Variants in PLEKHG3 observed in about 807,000 individuals in gnomAD.
PLEKHG3 encodes the protein pleckstrin homology and RhoGEF domain containing G3.
PLEKHG3 carries 62 observed loss-of-function variants against 94.9 expected under a neutral mutation model. The observed-to-expected ratio is 0.65, with a 90% CI of 0.53 to 0.81. The LOEUF (loss-of-function observed/expected upper bound fraction) is 0.81, where lower values mean the gene tolerates loss of function less well. Ranked by LOEUF, PLEKHG3 falls within the 30% of genes least tolerant of loss-of-function variation. The pLI, the probability that PLEKHG3 is intolerant of heterozygous loss-of-function variation, is 0.00. For synonymous variants in PLEKHG3, 614 were observed against 654.0 expected (o/e 0.94, Z 0.93); for missense variants, 1,461 against 1,619.3 (o/e 0.90, Z 1.68).
chr14:64,736,031 G>C (rs1370900203), intron 12 of PLEKHG3, among the ~76,000 whole-genome samples: 1 of 152,260 alleles, frequency 6.6e-6, no homozygotes, highest in East Asian at 1.9e-4. Context: ...GCCTGCTGAG[G>C]AACAGCAAGA....
Position 64,738,876 on chromosome 14 carries a change from A to G in PLEKHG3, c.1518+21A>G. 1 of 1,459,340 alleles carries G rather than the reference A, an allele frequency of 6.9e-7. No homozygotes were observed. Among genetic ancestry groups the G allele is most frequent in the Non-Finnish European group, 9.4e-7 (1 of 1,059,064 alleles). The allele number at this position is 1,459,340 out of a possible 1,614,324, so 90.4% of individuals were successfully genotyped here. ...CAGAGGTGAGCGACCAGCAGGTGGGATGGGGATAGTAGGAAGAACTTGGAG... is the reference window on the plus strand; with the variant it reads ...CAGAGGTGAGCGACCAGCAGGTGGGGTGGGGATAGTAGGAAGAACTTGGAG... On this transcript the variant is annotated intron_variant, in intron 15 of 16. Transcript: ENST00000247226. The surrounding 1 kb of genome is among the most constrained non-coding windows in gnomAD (Gnocchi z 4.8).
At position 64,738,649 on chromosome 14, in the gene PLEKHG3, C is replaced by A; in HGVS notation, c.1405-93C>A. 2 of 918,180 alleles carry A rather than the reference C, an allele frequency of 2.2e-6. No homozygotes were observed. Among genetic ancestry groups the A allele is most frequent in the Non-Finnish European group, 3.5e-6 (2 of 574,928 alleles). 56.9% of individuals were successfully genotyped at this position (918,180 alleles called of 1,614,324 possible). ...GACTGGCTCTCAGCTCAGCCCAGCCCCTTGGGGCGTGGGAGGCACTGCCCG... is the reference window on the plus strand; with the variant it reads ...GACTGGCTCTCAGCTCAGCCCAGCCACTTGGGGCGTGGGAGGCACTGCCCG... On this transcript the variant is annotated intron_variant, in intron 14 of 16. Coordinates refer to ENST00000247226, the MANE Select transcript of PLEKHG3 (RefSeq NM_001308147.2). This position sits in a 1 kb window ranked among gnomAD's most constrained non-coding sequence, Gnocchi z 4.8.
In PLEKHG3 at chr14:64,738,916, T is replaced by C. The variant is rs972115018; in HGVS notation, c.1518+61T>C. The C allele has an allele frequency of 1.8e-6, 2 of 1,090,358 alleles. No individual in the cohort carries two copies. The highest frequency in any genetic ancestry group is 1.6e-5 in the African/African-American group (1 of 64,358). The allele number at this position is 1,090,358 out of a possible 1,614,324, so 67.5% of individuals were successfully genotyped here. A position where few individuals can be genotyped will look rare whatever the true frequency, so the allele number is the denominator to read the frequency against. ...AGAACTTGGAGTCCAGATTTTCAAG[T>C]CTGCAAATAGGGCTTTCAGGCACAG... On this transcript the variant is annotated intron_variant, in intron 15 of 16. Coordinates refer to ENST00000247226, the MANE Select transcript of PLEKHG3 (RefSeq NM_001308147.2). This position sits in a 1 kb window ranked among gnomAD's most constrained non-coding sequence, Gnocchi z 4.8.
In PLEKHG3 at chr14:64,716,513, ACAC is replaced by A. The variant is rs2081164097; in HGVS notation, c.-39-11079_-39-11077del. Among the ~76,000 whole-genome samples the A allele has an allele frequency of 7.5e-6, 1 of 134,210 alleles. No homozygotes were observed. Among genetic ancestry groups the A allele is most frequent in the African/African-American group, 2.9e-5 (1 of 34,620 alleles). 88.0% of individuals were successfully genotyped at this position (134,210 alleles called of 152,430 possible). On this transcript the variant is annotated intron_variant, in intron 1 of 16. Transcript: ENST00000247226. The surrounding 1 kb of genome is among the most constrained non-coding windows in gnomAD (Gnocchi z 5.0). ...ACACACACAACACACACACACACAC[ACAC>A]ACACACACACACACACACACACACA...
intron 1 of PLEKHG3, among the ~76,000 whole-genome samples, chr14:64,706,705 C>T (rs2080976771): frequency 6.6e-6 from 1 of 152,264 alleles, no homozygotes; most frequent in Admixed American, 6.5e-5. Context: ...AAACATTTGC[C>T]TTACCAAATC....
At position 64,716,033 on chromosome 14, in the gene PLEKHG3, G is replaced by A. The variant is rs769404664; in HGVS notation, c.-40+11329G>A. ...AGGTTGCCGGTGCTGGGGACAATGCGGCTGCCCGGCCCCTCGCCACCCTCG... is the reference window on the plus strand; with the variant it reads ...AGGTTGCCGGTGCTGGGGACAATGCAGCTGCCCGGCCCCTCGCCACCCTCG... On this transcript the variant is annotated intron_variant, in intron 1 of 16. Transcript: ENST00000247226. The surrounding 1 kb of genome is among the most constrained non-coding windows in gnomAD (Gnocchi z 5.0). The A allele has an allele frequency of 4.4e-5, 20 of 456,156 alleles. No homozygotes were observed. The highest frequency in any genetic ancestry group is 6.2e-5 in the Non-Finnish European group (14 of 226,798). 28.3% of individuals were successfully genotyped at this position (456,156 alleles called of 1,614,324 possible).
chr14:64,749,226 G>C lies in PLEKHG3; in HGVS notation c.*5523G>C, dbSNP rs1430909427. 1.3e-6 allele frequency: 2 copies of C among 1,494,632 alleles called. No homozygotes were observed. Among genetic ancestry groups the C allele is most frequent in the Non-Finnish European group, 1.8e-6 (2 of 1,112,532 alleles). 92.6% of individuals were successfully genotyped at this position (1,494,632 alleles called of 1,614,324 possible). On this transcript the variant is annotated 3_prime_UTR_variant, in exon 17 of 17. Coordinates refer to ENST00000247226, the MANE Select transcript of PLEKHG3 (RefSeq NM_001308147.2). The surrounding 1 kb of genome is among the most constrained non-coding windows in gnomAD (Gnocchi z 4.7). The stretch of plus-strand genomic sequence containing the variant: ...CGACTCATCTCGATTCGACCGGCGG[G>C]CGGCGGCGAGAGGAGGCCAAGGCCT...
rs34751799 is a variant in PLEKHG3, at chr14:64,726,159, C to T, written c.-39-1434C>T. On this transcript the variant is annotated intron_variant, in intron 1 of 16. Coordinates refer to ENST00000247226, the MANE Select transcript of PLEKHG3 (RefSeq NM_001308147.2). The surrounding 1 kb of genome is among the most constrained non-coding windows in gnomAD (Gnocchi z 5.1). Reference sequence around the variant, plus strand: ...TATGGGGTGGATGGGGACGAGATAACGCCAAGGCAGAGAGAACATTTGCAA... The same window carrying T: ...TATGGGGTGGATGGGGACGAGATAATGCCAAGGCAGAGAGAACATTTGCAA... Among the ~76,000 whole-genome samples the T allele has an allele frequency of 0.013, 2,031 of 152,192 alleles. 22 individuals carry two copies. Among genetic ancestry groups the T allele is most frequent in the Non-Finnish European group, 0.022 (1,469 of 68,002 alleles).
At chr14:64,724,979 G>A (rs2081326048) in intron 1 of PLEKHG3, among the ~76,000 whole-genome samples, 1 of 152,222 alleles carries the variant, frequency 6.6e-6, no homozygotes, top group Non-Finnish European at 1.5e-5. Flanking sequence ...TTCAGCAGTT[G>A]GCTGTTATGC....
In PLEKHG3 at chr14:64,715,757, G is replaced by A. The variant is rs2081129570; in HGVS notation, c.-40+11053G>A. On this transcript the variant is annotated intron_variant, in intron 1 of 16. Transcript: ENST00000247226. The surrounding 1 kb of genome is among the most constrained non-coding windows in gnomAD (Gnocchi z 4.4). Reference sequence around the variant, plus strand: ...TTGTGCAGGTCCTCAGCCCTGTGGCGCTCACCTCCCAGGGCTGTGGCCTGG... The same window carrying A: ...TTGTGCAGGTCCTCAGCCCTGTGGCACTCACCTCCCAGGGCTGTGGCCTGG... 1 of 319,414 alleles carries A rather than the reference G, an allele frequency of 3.1e-6. No homozygotes were observed. Among genetic ancestry groups the A allele is most frequent in the Non-Finnish European group, 6.1e-6 (1 of 163,000 alleles). The allele number at this position is 319,414 out of a possible 1,614,324, so 19.8% of individuals were successfully genotyped here.
intron 1 of PLEKHG3, among the ~76,000 whole-genome samples, chr14:64,706,764 C>T (rs1227523858): frequency 3.3e-5 from 5 of 152,246 alleles, no homozygotes; most frequent in African/African-American, 7.2e-5. Flanking sequence ...CCAAAGGCCA[C>T]GGCCTGCGGG....
In PLEKHG3 at chr14:64,715,604, G is replaced by T. The variant is rs937523494; in HGVS notation, c.-40+10900G>T. ...AGGGTTAATTATCCTTCAGCCTCGA[G>T]GGCCTGGGGTGGGGGAGGTGCTGCA... On this transcript the variant is annotated intron_variant, in intron 1 of 16. Transcript: ENST00000247226. This position sits in a 1 kb window ranked among gnomAD's most constrained non-coding sequence, Gnocchi z 4.4. The T allele has an allele frequency of 5.6e-5, 9 of 161,190 alleles. No homozygotes were observed. The South Asian group carries it at 6.1e-4, about 11-fold the overall frequency. 10.0% of individuals were successfully genotyped at this position (161,190 alleles called of 1,614,324 possible).
At position 64,716,496 on chromosome 14, in the gene PLEKHG3, AAC is replaced by A. The variant is rs58480790; in HGVS notation, c.-39-11043_-39-11042del. On this transcript the variant is annotated intron_variant, in intron 1 of 16. Coordinates refer to ENST00000247226, the MANE Select transcript of PLEKHG3 (RefSeq NM_001308147.2). This position sits in a 1 kb window ranked among gnomAD's most constrained non-coding sequence, Gnocchi z 5.0. ...ACACACACACAACACACACACACACAACACACACACACACACACACACACACA... is the reference window on the plus strand; with the variant it reads ...ACACACACACAACACACACACACACAACACACACACACACACACACACACA... Among the ~76,000 whole-genome samples the A allele has an allele frequency of 0.11, 8,984 of 79,242 alleles. 420 individuals carry two copies. The highest frequency in any genetic ancestry group is 0.15 in the Middle Eastern group (19 of 126). The allele number at this position is 79,242 out of a possible 152,430, so 52.0% of individuals were successfully genotyped here.
rs2081273848 is a variant in PLEKHG3, at chr14:64,722,194, A to T, written c.-39-5399A>T. Among the ~76,000 whole-genome samples, 1 of 152,004 alleles carries T rather than the reference A, an allele frequency of 6.6e-6. No homozygotes were observed. The highest frequency in any genetic ancestry group is 2.4e-5 in the African/African-American group (1 of 41,366). ...GAGGGCTGCGCCATCGCCGTTCCTG[A>T]GTGAGGACTTTCTTTCTTCCTTTCT... On this transcript the variant is annotated intron_variant, in intron 1 of 16. Transcript: ENST00000247226. This position sits in a 1 kb window ranked among gnomAD's most constrained non-coding sequence, Gnocchi z 4.3.
chr14:64,719,182 C>T (rs112009348), intron 1 of PLEKHG3, among the ~76,000 whole-genome samples: 5 of 152,124 alleles, frequency 3.3e-5, no homozygotes, highest in African/African-American at 7.2e-5. Flanking sequence ...GATAAACACA[C>T]GGGTGGTGGG....
Position 64,704,661 on chromosome 14 carries a change from C to T in PLEKHG3, c.-83C>T, listed in dbSNP as rs2080943977. ...CGTCGCGGCAGCACCTGGGCAGCCC[C>T]GCACGCCGTGCGCGTCCCGAGCCCG... On this transcript the variant is annotated 5_prime_UTR_variant, in exon 1 of 17. Transcript: ENST00000247226. The surrounding 1 kb of genome is among the most constrained non-coding windows in gnomAD (Gnocchi z 5.6). 6.5e-6 allele frequency: 1 copy of T among 152,722 alleles called. No individual in the cohort carries two copies. The highest frequency in any genetic ancestry group is 1.5e-5 in the Non-Finnish European group (1 of 68,380). The allele number at this position is 152,722 out of a possible 1,614,324, so 9.5% of individuals were successfully genotyped here. A position where few individuals can be genotyped will look rare whatever the true frequency, so the allele number is the denominator to read the frequency against.
intron 1 of PLEKHG3, among the ~76,000 whole-genome samples, chr14:64,709,241 A>G (rs1434597014): frequency 6.6e-6 from 1 of 152,106 alleles, no homozygotes; most frequent in Non-Finnish European, 1.5e-5. Context: ...CCTTAGAGTA[A>G]TCTGGGCTTG....
In PLEKHG3 at chr14:64,729,182, T is replaced by G. The variant is rs545331862; in HGVS notation, c.449+89T>G. The G allele has an allele frequency of 2.8e-5, 17 of 617,488 alleles. No individual in the cohort carries two copies. The African/African-American group carries it at 2.9e-4, about 11-fold the overall frequency. 38.3% of individuals were successfully genotyped at this position (617,488 alleles called of 1,614,324 possible). A position where few individuals can be genotyped will look rare whatever the true frequency, so the allele number is the denominator to read the frequency against. ...GGAACCCTGGATGTCCCTGGTCTCA[T>G]GGGCCTGTGACATGTGGGCCTGGGG... On this transcript the variant is annotated intron_variant, in intron 3 of 16. Coordinates refer to ENST00000247226, the MANE Select transcript of PLEKHG3 (RefSeq NM_001308147.2).
chr14:64,729,229 AG>A (rs2081410986), intron 3 of PLEKHG3, 136 bp downstream of exon 3: 1 of 557,788 alleles, frequency 1.8e-6, no homozygotes, highest in Non-Finnish European at 3.2e-6. Flanking sequence ...AGGACAGGGA[AG>A]GGTTGTCCAT....
Sources: allele counts gnomAD v4.1 joint callset (sites outside exome capture counted in the v4.1 genomes callset), GRCh38; gene constraint gnomAD v4.1.1; non-coding constraint Gnocchi (gnomAD v3.1); transcripts MANE v1.5; gene names NCBI Gene and HGNC (gene_info 2026-07-23, HGNC 2026-07-21).